NCAM1: variants seen among roughly 807,000 people sequenced by gnomAD.
NCAM1 encodes the protein neural cell adhesion molecule 1.
A neutral mutation model predicts 109.8 loss-of-function variants in NCAM1; 14 were observed. That is an observed-to-expected ratio of 0.13 (90% CI 0.08 to 0.20). The LOEUF is 0.20. Ranked by LOEUF, NCAM1 falls within the 10% of genes least tolerant of loss-of-function variation. The pLI, the probability that NCAM1 is intolerant of heterozygous loss-of-function variation, is 1.00. For missense variants in NCAM1, 774 were observed against 1,109.9 expected, an observed-to-expected ratio of 0.70 and a Z score of 4.30; for synonymous variants, 418 against 442.9, an observed-to-expected ratio of 0.94 and a Z score of 0.70.
At chr11:113,155,948 A>G (rs1289505843) in intron 1 of NCAM1, among the ~76,000 whole-genome samples, 1 of 152,120 alleles carries the variant, frequency 6.6e-6, no homozygotes, top group Non-Finnish European at 1.5e-5. Context: ...TCAGAGTCAC[A>G]CTGTGACAAA....
intron 1 of NCAM1, among the ~76,000 whole-genome samples, chr11:113,201,380 G>C (rs1944053908): frequency 6.6e-6 from 1 of 152,158 alleles, no homozygotes; most frequent in Non-Finnish European, 1.5e-5. Flanking sequence ...AGGCTGTTTT[G>C]TTCAAGCCTG....
At chr11:112,969,895 T>C (rs1950829599) in intron 1 of NCAM1, among the ~76,000 whole-genome samples, 1 of 152,118 alleles carries the variant, frequency 6.6e-6, no homozygotes, top group Non-Finnish European at 1.5e-5. Context: ...ATTATATCAG[T>C]AAGTGCCCGA....
At chr11:113,099,505 C>A (rs535577276) in intron 1 of NCAM1, among the ~76,000 whole-genome samples, 4 of 152,206 alleles carry the variant, frequency 2.6e-5, no homozygotes, top group Admixed American at 6.5e-5. Context: ...ATAACCTCTT[C>A]AACTAGCTAA....
intron 1 of NCAM1, among the ~76,000 whole-genome samples, chr11:113,033,928 G>A (rs7128007): frequency 0.95 from 144,906 of 152,268 alleles, 69,370 homozygotes; most frequent in East Asian, 1. Flanking sequence ...TTTGATATCC[G>A]TAAGAGAGAG....
chr11:113,191,831 A>G lies in NCAM1; in HGVS notation c.53-10548A>G, dbSNP rs571915022. Among the ~76,000 whole-genome samples, 6 of 152,244 alleles carry G rather than the reference A, an allele frequency of 3.9e-5. No individual in the cohort carries two copies. The South Asian group carries it at 1.0e-3, about 26-fold the overall frequency. ...GAATTTTCCACTTGATATAAACCAAATTTAACAATTCTTTGCACTGGTTGT... is the reference window on the plus strand; with the variant it reads ...GAATTTTCCACTTGATATAAACCAAGTTTAACAATTCTTTGCACTGGTTGT... On this transcript the variant is annotated intron_variant, in intron 1 of 19. Coordinates refer to ENST00000316851, the MANE Select transcript of NCAM1 (RefSeq NM_181351.5).
intron 1 of NCAM1, among the ~76,000 whole-genome samples, chr11:113,197,777 A>G (rs1943900037): frequency 6.6e-6 from 1 of 152,234 alleles, no homozygotes; most frequent in Admixed American, 6.5e-5. Flanking sequence ...ATAAAATAAA[A>G]CTACTGCAAG....
rs1468484516 is a variant in NCAM1 at position 113,062,008 on chromosome 11, C to A, written c.52+100344C>A. Among the ~76,000 whole-genome samples, 73 of 152,240 alleles carry A rather than the reference C, an allele frequency of 4.8e-4. 1 individual carries two copies. Among genetic ancestry groups the A allele is most frequent in the Non-Finnish European group, 8.8e-5 (6 of 68,034 alleles). On this transcript the variant is annotated intron_variant, in intron 1 of 19. Coordinates refer to ENST00000316851, the MANE Select transcript of NCAM1 (RefSeq NM_181351.5). The stretch of plus-strand genomic sequence containing the variant: ...AGAAAATGTGCAACCTGGCATGAGT[C>A]TTAGGAGAAGTACCCTACCTTGCAG...
rs146469623 is a variant in NCAM1, at chr11:113,031,556, G to C, written c.52+69892G>C. Reference sequence around the variant, plus strand: ...AAAATATAAAATTTAGCCGGGCGTGGTGGCAGGCTCCTGTAATCCCAGCTA... The same window carrying C: ...AAAATATAAAATTTAGCCGGGCGTGCTGGCAGGCTCCTGTAATCCCAGCTA... On this transcript the variant is annotated intron_variant, in intron 1 of 19. Transcript: ENST00000316851. Among the ~76,000 whole-genome samples the C allele has an allele frequency of 5.5e-3, 839 of 152,208 alleles. 8 individuals carry two copies. The highest frequency in any genetic ancestry group is 0.019 in the African/African-American group (801 of 41,524).
At chr11:113,224,570 G>T (rs1366724426) in intron 9 of NCAM1, among the ~76,000 whole-genome samples, 1 of 152,236 alleles carries the variant, frequency 6.6e-6, no homozygotes, top group African/African-American at 2.4e-5. Flanking sequence ...CTGTCTGACA[G>T]ATTGGAAGAC....
At chr11:113,153,613 G>A (rs1942313566) in intron 1 of NCAM1, among the ~76,000 whole-genome samples, 1 of 152,308 alleles carries the variant, frequency 6.6e-6, no homozygotes, top group Admixed American at 6.5e-5. Context: ...AGTGAGTTTT[G>A]TTAGAGATAA....
intron 1 of NCAM1, among the ~76,000 whole-genome samples, chr11:113,044,025 G>A (rs1047414450): frequency 2.6e-5 from 4 of 151,514 alleles, no homozygotes; most frequent in Admixed American, 6.6e-5. Context: ...ATTTAGCCTC[G>A]GTAATATTTG....
chr11:113,040,188 A>G (rs1456559176), intron 1 of NCAM1, among the ~76,000 whole-genome samples: 3 of 152,022 alleles, frequency 2.0e-5, no homozygotes, highest in African/African-American at 7.2e-5. Context: ...AATTGATGCG[A>G]TATCTTACCT....
intron 14 of NCAM1, chr11:113,240,919 A>G (rs1266369870): frequency 5.2e-6 from 7 of 1,340,722 alleles, no homozygotes; most frequent in Non-Finnish European, 7.5e-6. Flanking sequence ...CTCCTTCACC[A>G]GGTGATAATT....
intron 1 of NCAM1, among the ~76,000 whole-genome samples, chr11:113,180,595 G>A (rs1555107780): frequency 6.6e-6 from 1 of 152,228 alleles, no homozygotes; most frequent in African/African-American, 2.4e-5. Flanking sequence ...TGTGCAGGAG[G>A]CCGTCTTCCT....
Position 113,222,505 on chromosome 11 carries a change from T to C in NCAM1, c.1089+1180T>C, listed in dbSNP as rs540314106. Among the ~76,000 whole-genome samples the C allele has an allele frequency of 4.3e-4, 65 of 152,382 alleles. No individual in the cohort carries two copies. In the South Asian group the frequency reaches 5.4e-3, roughly 13 times the overall value. On this transcript the variant is annotated intron_variant, in intron 9 of 19. Coordinates refer to ENST00000316851, the MANE Select transcript of NCAM1 (RefSeq NM_181351.5). ...CCCTGTCATTGGGATGACTGTTAAG[T>C]GCACAGCCTCACTGAGAGGCTTCCC... is the stretch of plus-strand genomic sequence containing the variant.
intron 1 of NCAM1, 107 bp from the exon 2 acceptor site, chr11:113,202,272 A>G: frequency 8.7e-7 from 1 of 1,147,774 alleles, no homozygotes; most frequent in Non-Finnish European, 1.2e-6. Flanking sequence ...CTATTTTTGA[A>G]TGGAAGATCT....
At chr11:113,195,873 C>T (rs1188487130) in intron 1 of NCAM1, among the ~76,000 whole-genome samples, 1 of 151,212 alleles carries the variant, frequency 6.6e-6, no homozygotes, top group Non-Finnish European at 1.5e-5. Context: ...ATCTCATTCT[C>T]ATTACATGTG....
At chr11:113,200,853 T>A (rs1944032997) in intron 1 of NCAM1, among the ~76,000 whole-genome samples, 1 of 152,178 alleles carries the variant, frequency 6.6e-6, no homozygotes, top group South Asian at 2.1e-4. Context: ...TTTATTGCTC[T>A]CAGGCAAGAA....
rs193064785 is a variant in NCAM1, at chr11:113,031,378, G to A, written c.52+69714G>A. 1.4e-3 allele frequency among the ~76,000 whole-genome samples: 209 copies of A among 152,262 alleles called. 3 individuals carry two copies. The Middle Eastern group carries it at 0.034, about 25-fold the overall frequency. On this transcript the variant is annotated intron_variant, in intron 1 of 19. Coordinates refer to ENST00000316851, the MANE Select transcript of NCAM1 (RefSeq NM_181351.5). Reference sequence around the variant, plus strand: ...ACATCACCGTCAAAAGCACAAAAATGTGAAAGACCTGACACTAAATAGACC... The same window carrying A: ...ACATCACCGTCAAAAGCACAAAAATATGAAAGACCTGACACTAAATAGACC...
Sources: allele counts gnomAD v4.1 joint callset (sites outside exome capture counted in the v4.1 genomes callset), GRCh38; gene constraint gnomAD v4.1.1; transcripts MANE v1.5; gene names NCBI Gene and HGNC (gene_info 2026-07-23, HGNC 2026-07-21).